The following ST3GAL5 variants were observed in gnomAD, a reference collection of about 807,000 sequenced individuals.
The protein encoded by ST3GAL5 is lactosylceramide alpha-2,3-sialyltransferase.
Under a neutral mutation model 46.1 loss-of-function variants are expected in ST3GAL5, and 25 were observed. That is an observed-to-expected ratio of 0.54 (90% CI 0.40 to 0.76). The LOEUF (loss-of-function observed/expected upper bound fraction) is 0.76. Ranked by LOEUF, ST3GAL5 falls within the 30% of genes least tolerant of loss-of-function variation. The pLI, the probability that ST3GAL5 is intolerant of heterozygous loss-of-function variation, is 0.00. For synonymous variants in ST3GAL5, 182 were observed against 192.7 expected (o/e 0.94, Z 0.46); for missense variants, 431 against 521.2 (o/e 0.83, Z 1.69).
intron 1 of ST3GAL5, among the ~76,000 whole-genome samples, chr2:85,880,026 A>G (rs1686978343): frequency 6.6e-6 from 1 of 152,226 alleles, no homozygotes; most frequent in Non-Finnish European, 1.5e-5. Flanking sequence ...AAGGGAAGAT[A>G]GGGAATTTGC....
chr2:85,869,543 C>G (rs1685683248), intron 1 of ST3GAL5, among the ~76,000 whole-genome samples: 1 of 152,084 alleles, frequency 6.6e-6, no homozygotes, highest in Admixed American at 6.5e-5. Context: ...TTTTTAGGAT[C>G]CCTTGATCAT....
At chr2:85,852,440 G>A (rs568406141) in intron 3 of ST3GAL5, among the ~76,000 whole-genome samples, 74 of 152,254 alleles carry the variant, frequency 4.9e-4, no homozygotes, top group Non-Finnish European at 9.6e-4. Context: ...TGAGGGTCAC[G>A]TTATTGACAT....
chr2:85,848,123 CA>C lies in ST3GAL5; in HGVS notation c.399del (p.Phe133LeufsTer55). 1 of 1,614,200 alleles carries C rather than the reference CA, an allele frequency of 6.2e-7. No individual in the cohort carries two copies. Among genetic ancestry groups the C allele is most frequent in the Non-Finnish European group, 8.5e-7 (1 of 1,180,044 alleles). On this transcript the variant is annotated frameshift_variant, in exon 4 of 7. Coordinates refer to ENST00000638572, the MANE Select transcript of ST3GAL5 (RefSeq NM_003896.4). LOFTEE classifies it high-confidence loss of function. Reference protein sequence around the residue: ...KFAKTSMALLFEHRYSVDLLP... With the variant: ...KFAKTSMALLXEHRYSVDLLP... ...AGTAAGTCCACGCTATACCTGTGCT[CA>C]AATAACAGCGCCATTGATGTCTTGG... is the stretch of plus-strand genomic sequence containing the variant.
chr2:85,881,248 G>C (rs144042062), intron 1 of ST3GAL5, among the ~76,000 whole-genome samples: 2 of 152,130 alleles, frequency 1.3e-5, no homozygotes. Flanking sequence ...CCTCTTTCTT[G>C]TATAAATTGC....
At chr2:85,860,099 C>T (rs903404920) in intron 3 of ST3GAL5, among the ~76,000 whole-genome samples, 1 of 152,176 alleles carries the variant, frequency 6.6e-6, no homozygotes, top group Non-Finnish European at 1.5e-5. Context: ...GTTTCCCTGC[C>T]TGTGAGATGG....
At chr2:85,841,330 A>ATTTT (rs199558616) in intron 6 of ST3GAL5, among the ~76,000 whole-genome samples, 1 of 148,860 alleles carries the variant, frequency 6.7e-6, no homozygotes, top group Non-Finnish European at 1.5e-5. Flanking sequence ...GGGCAAGTAA[A>ATTTT]TTTTGTTTTT....
chr2:85,888,964 C>T lies in ST3GAL5; in HGVS notation c.-59G>A. On this transcript the variant is annotated 5_prime_UTR_variant, in exon 1 of 7. Coordinates refer to ENST00000638572, the MANE Select transcript of ST3GAL5 (RefSeq NM_003896.4). ...GGTACCCCGCGCCCCCACCCGCCCC[C>T]AGCGCCGCTCTCGCGCCCATTCAGC... The T allele has an allele frequency of 8.2e-7, 1 of 1,221,372 alleles. No homozygotes were observed. The highest frequency in any genetic ancestry group is 1.0e-6 in the Non-Finnish European group (1 of 972,522). 75.7% of individuals were successfully genotyped at this position (1,221,372 alleles called of 1,614,324 possible).
intron 1 of ST3GAL5, among the ~76,000 whole-genome samples, chr2:85,878,096 G>A (rs922937220): frequency 6.6e-6 from 1 of 152,150 alleles, no homozygotes; most frequent in Non-Finnish European, 1.5e-5. Flanking sequence ...ACGCTGCACG[G>A]CTCAGCTTGG....
chr2:85,873,526 C>T (rs1686185252), intron 1 of ST3GAL5, among the ~76,000 whole-genome samples: 1 of 152,066 alleles, frequency 6.6e-6, no homozygotes. Flanking sequence ...ACCACAGGCT[C>T]AGCACGGACA....
intron 2 of ST3GAL5, 48 bp downstream of exon 2, chr2:85,863,314 C>T: frequency 1.2e-6 from 2 of 1,612,672 alleles, no homozygotes; most frequent in Non-Finnish European, 1.7e-6. Context: ...TAGTTCTACA[C>T]AGTTGACCCA....
At position 85,861,279 on chromosome 2, in the gene ST3GAL5, C is replaced by G; in HGVS notation, c.220G>C (p.Val74Leu). The G allele has an allele frequency of 6.2e-7, 1 of 1,608,320 alleles. No homozygotes were observed. Among genetic ancestry groups the G allele is most frequent in the South Asian group, 1.1e-5 (1 of 90,966 alleles). ...ATATAAAGGATCCACACTCCAAACA[C>G]AAGCAATGTACATCTGGAAAAAAAT... ...LKDILKCTLL[V>L]FGVWILYILK... Residue 74 changes from valine to leucine, a missense_variant, in exon 3 of 7, where the codon GTG becomes CTG. Transcript: ENST00000638572.
chr2:85,867,354 A>G (rs543794925), intron 1 of ST3GAL5, among the ~76,000 whole-genome samples: 1 of 152,326 alleles, frequency 6.6e-6, no homozygotes, highest in African/African-American at 2.4e-5. Context: ...TGGGACATTC[A>G]TATGCATATT....
chr2:85,870,985 T>C (rs1424460204), intron 1 of ST3GAL5, among the ~76,000 whole-genome samples: 2 of 152,112 alleles, frequency 1.3e-5, no homozygotes, highest in African/African-American at 4.8e-5. Context: ...ATGCATACAA[T>C]TTACAATGAT....
intron 4 of ST3GAL5, chr2:85,846,888 T>A (rs1347783013): frequency 3.7e-6 from 1 of 268,222 alleles, no homozygotes; most frequent in Non-Finnish European, 7.1e-6. Context: ...TCCATTGTGC[T>A]CAGATGTTAG....
At chr2:85,875,983 A>T (rs902131866) in intron 1 of ST3GAL5, among the ~76,000 whole-genome samples, 1 of 152,178 alleles carries the variant, frequency 6.6e-6, no homozygotes, top group African/African-American at 2.4e-5. Flanking sequence ...AGGTTGCCCT[A>T]AACTAGGTTT....
rs1681653427 is a variant in ST3GAL5 at position 85,838,382 on chromosome 2, T to C, written c.*1762A>G. On this transcript the variant is annotated 3_prime_UTR_variant, in exon 7 of 7. Coordinates refer to ENST00000638572, the MANE Select transcript of ST3GAL5 (RefSeq NM_003896.4). ...TCTGAGGAAGTTCCGGCTTCTCCAA[T>C]AACCCCCTGAGGGATGTAGGGGTGG... The C allele has an allele frequency of 6.6e-6, 1 of 152,134 alleles. No homozygotes were observed. The allele number at this position is 152,134 out of a possible 1,614,324, so 9.4% of individuals were successfully genotyped here.
At chr2:85,877,215 TAA>T (rs1254958544) in intron 1 of ST3GAL5, among the ~76,000 whole-genome samples, 1 of 152,250 alleles carries the variant, frequency 6.6e-6, no homozygotes, top group Non-Finnish European at 1.5e-5. Context: ...TACTGTTACC[TAA>T]ATACCTTATA....
rs112259252 is a variant in ST3GAL5, at chr2:85,860,800, C to T, written c.318+381G>A. On this transcript the variant is annotated intron_variant, in intron 3 of 6. Coordinates refer to ENST00000638572, the MANE Select transcript of ST3GAL5 (RefSeq NM_003896.4). ...AGGTGGCCGTGTTCTTGCCACTGCA[C>T]TCAACCCTGGGTGCAGAGCGAGACC... 1,593 of 265,474 alleles carry T rather than the reference C, an allele frequency of 6.0e-3. 30 individuals are homozygous for T. Among genetic ancestry groups the T allele is most frequent in the African/African-American group, 0.035 (1,518 of 43,900 alleles). 16.4% of individuals were successfully genotyped at this position (265,474 alleles called of 1,614,324 possible).
chr2:85,858,456 G>A (rs1411250373), intron 3 of ST3GAL5, among the ~76,000 whole-genome samples: 2 of 152,154 alleles, frequency 1.3e-5, no homozygotes, highest in Non-Finnish European at 2.9e-5. Flanking sequence ...GATTACAGGT[G>A]CCTGCCACCA....
Sources: allele counts gnomAD v4.1 joint callset (sites outside exome capture counted in the v4.1 genomes callset), GRCh38; gene constraint gnomAD v4.1.1; transcripts MANE v1.5; gene names NCBI Gene and HGNC (gene_info 2026-07-23, HGNC 2026-07-21).